The following GRM5 variants were observed in gnomAD, a reference collection of about 807,000 sequenced individuals.
GRM5 encodes the protein metabotropic glutamate receptor 5.
Under a neutral mutation model 83.1 loss-of-function variants are expected in GRM5, and 19 were observed. The ratio of observed to expected loss-of-function variants is 0.23; its 90% CI spans 0.16 to 0.34. The LOEUF is 0.34. Among genes scored for constraint, GRM5 ranks in the 10% least tolerant of loss-of-function variants. The pLI, the probability that GRM5 is intolerant of heterozygous loss-of-function variation, is 1.00. For missense variants in GRM5, 1,160 were observed against 1,588.3 expected, an observed-to-expected ratio of 0.73 and a Z score of 4.58; for synonymous variants, 675 against 633.6, an observed-to-expected ratio of 1.07 and a Z score of -0.98.
At chr11:88,894,550 G>GTTCT (rs1182489231) in intron 2 of GRM5, among the ~76,000 whole-genome samples, 5 of 151,936 alleles carry the variant, frequency 3.3e-5, no homozygotes, top group Non-Finnish European at 7.4e-5. Context: ...TCTAACCTGT[G>GTTCT]TTCTAGTGCC....
chr11:88,587,719 A>G (rs1402237739), intron 7 of GRM5, among the ~76,000 whole-genome samples: 1 of 152,114 alleles, frequency 6.6e-6, no homozygotes, highest in Non-Finnish European at 1.5e-5. Flanking sequence ...GAACATCTGT[A>G]TATCTCTAAA....
chr11:88,813,234 T>A (rs572941354), intron 3 of GRM5, among the ~76,000 whole-genome samples: 32 of 152,314 alleles, frequency 2.1e-4, no homozygotes, highest in Admixed American at 1.8e-3. Context: ...AACAAGTTGC[T>A]GACATTTTAT....
intron 3 of GRM5, among the ~76,000 whole-genome samples, chr11:88,688,376 A>C (rs2135355998): frequency 6.6e-6 from 1 of 152,308 alleles, no homozygotes; most frequent in Non-Finnish European, 1.5e-5. Context: ...TACAACTATA[A>C]TAAGTGCAAA....
At position 88,961,892 on chromosome 11, in the gene GRM5, C is replaced by T. The variant is rs568109191; in HGVS notation, c.661+85320G>A. ...TGAAATGCTGTGCAGGAAATTAGAA[C>T]TGGCTGAGAATTCGATGATGGTAAT... On this transcript the variant is annotated intron_variant, in intron 2 of 9. Coordinates refer to ENST00000305447, the MANE Select transcript of GRM5 (RefSeq NM_001143831.3). 3.3e-5 allele frequency among the ~76,000 whole-genome samples: 5 copies of T among 152,264 alleles called. No individual in the cohort carries two copies. The East Asian group carries it at 5.8e-4, about 18-fold the overall frequency.
chr11:88,913,422 A>T (rs988558979), intron 2 of GRM5, among the ~76,000 whole-genome samples: 2 of 151,822 alleles, frequency 1.3e-5, no homozygotes, highest in African/African-American at 4.8e-5. Flanking sequence ...GCAATAGGGG[A>T]TGGCAATGTA....
intron 8 of GRM5, among the ~76,000 whole-genome samples, chr11:88,529,801 T>G (rs955650296): frequency 2.6e-5 from 4 of 151,848 alleles, no homozygotes; most frequent in Non-Finnish European, 5.9e-5. Flanking sequence ...ATGAGTAGGA[T>G]TTATTGGATG....
intron 7 of GRM5, among the ~76,000 whole-genome samples, chr11:88,575,439 G>T (rs908339354): frequency 6.6e-6 from 1 of 152,176 alleles, no homozygotes; most frequent in African/African-American, 2.4e-5. Context: ...TGCTACATCA[G>T]GGGAGGCAAC....
At chr11:88,569,807 A>G (rs1942948611) in intron 7 of GRM5, among the ~76,000 whole-genome samples, 1 of 152,204 alleles carries the variant, frequency 6.6e-6, no homozygotes, top group South Asian at 2.1e-4. Flanking sequence ...TTTTCTTGAT[A>G]TATGCAGGGA....
In GRM5 at chr11:88,854,077, T is replaced by TATAC. The variant is rs927592084; in HGVS notation, c.662-3923_662-3922insGTAT. 1.0e-3 allele frequency among the ~76,000 whole-genome samples: 154 copies of TATAC among 149,344 alleles called. 2 individuals are homozygous for TATAC. The highest frequency in any genetic ancestry group is 3.7e-3 in the African/African-American group (149 of 40,298). ...TGTGGTGTATATATATATATATATA[T>TATAC]ACACAATGAAATACTAGTCAGCCTA... On this transcript the variant is annotated intron_variant, in intron 2 of 9. Transcript: ENST00000305447.
intron 7 of GRM5, among the ~76,000 whole-genome samples, chr11:88,588,521 A>G (rs562046229): frequency 6.6e-6 from 1 of 152,190 alleles, no homozygotes; most frequent in East Asian, 1.9e-4. Context: ...GATGATGAGA[A>G]CACCTCTTCT....
At position 88,567,172 on chromosome 11, in the gene GRM5, G is replaced by A. The variant is rs200746073; in HGVS notation, c.2511C>T (p.Phe837=). 5 of 1,613,934 alleles carry A rather than the reference G, an allele frequency of 3.1e-6. No homozygotes were observed. The highest frequency in any genetic ancestry group is 1.3e-5 in the African/African-American group (1 of 74,904). ...AKPERNVRSA[F]TTSTVVRMHV... is the part of the protein sequence containing the mutation. ...GCATGCGCACCACGGTAGATGTGGT[G>A]AAGGCGCTGCGCACGTTTCTCTCTG... is the stretch of plus-strand genomic sequence containing the variant. The change falls in exon 8 of 10, where the codon TTC becomes TTT. Residue 837 remains phenylalanine (F), a synonymous_variant. Transcript: ENST00000305447. The surrounding 1 kb of genome is among the most constrained non-coding windows in gnomAD (Gnocchi z 7.3).
At chr11:88,601,368 A>AT (rs1402015998) in intron 5 of GRM5, among the ~76,000 whole-genome samples, 1 of 151,238 alleles carries the variant, frequency 6.6e-6, no homozygotes, top group African/African-American at 2.4e-5. Flanking sequence ...TTCCTGCCCT[A>AT]TTTTGGGCCT....
intron 3 of GRM5, among the ~76,000 whole-genome samples, chr11:88,688,324 T>C (rs974257827): frequency 6.6e-5 from 10 of 152,316 alleles, no homozygotes; most frequent in African/African-American, 2.2e-4. Context: ...GTACTTAATA[T>C]TAAATCATTT....
At chr11:88,705,051 C>T (rs1463534371) in intron 3 of GRM5, among the ~76,000 whole-genome samples, 1 of 152,046 alleles carries the variant, frequency 6.6e-6, no homozygotes, top group African/African-American at 2.4e-5. Flanking sequence ...TCAAGAGGTT[C>T]TAATCTTGTT....
At chr11:88,545,601 A>T (rs1214088999) in intron 8 of GRM5, among the ~76,000 whole-genome samples, 1 of 152,134 alleles carries the variant, frequency 6.6e-6, no homozygotes, top group Non-Finnish European at 1.5e-5. Flanking sequence ...CAAATCCTCC[A>T]TTCACAAAGG....
At chr11:88,741,163 T>C (rs1244774203) in intron 3 of GRM5, among the ~76,000 whole-genome samples, 1 of 151,930 alleles carries the variant, frequency 6.6e-6, no homozygotes, top group East Asian at 1.9e-4. Flanking sequence ...ATGATGAAAA[T>C]AACAAATATC....
intron 2 of GRM5, among the ~76,000 whole-genome samples, chr11:88,951,689 T>C (rs1938468754): frequency 6.6e-6 from 1 of 152,226 alleles, no homozygotes; most frequent in African/African-American, 2.4e-5. Context: ...GTTTTCTTTC[T>C]ATAAATTGTA....
At position 88,509,432 on chromosome 11, in the gene GRM5, C is replaced by G; in HGVS notation, c.2799G>C (p.Leu933=). 1 of 1,612,830 alleles carries G rather than the reference C, an allele frequency of 6.2e-7. No homozygotes were observed. The highest frequency in any genetic ancestry group is 8.5e-7 in the Non-Finnish European group (1 of 1,179,866). Residue 933 remains leucine, a synonymous_variant, in exon 10 of 10, where the codon CTG becomes CTC. Coordinates refer to ENST00000305447, the MANE Select transcript of GRM5 (RefSeq NM_001143831.3). ...TTTCTTTCTTGTTGATGTGGATGGA[C>G]AGGCGCTGCCACAGGTGCTGCCCCC... ...SSRGQHLWQR[L]SIHINKKENP...
At chr11:89,016,082 G>C (rs1366362895) in intron 2 of GRM5, among the ~76,000 whole-genome samples, 1 of 151,902 alleles carries the variant, frequency 6.6e-6, no homozygotes, top group Non-Finnish European at 1.5e-5. Flanking sequence ...AAAAACACTA[G>C]ATTCAAAAAT....
Sources: allele counts gnomAD v4.1 joint callset (sites outside exome capture counted in the v4.1 genomes callset), GRCh38; gene constraint gnomAD v4.1.1; non-coding constraint Gnocchi (gnomAD v3.1); transcripts MANE v1.5; gene names NCBI Gene and HGNC (gene_info 2026-07-23, HGNC 2026-07-21).